Variants in MROH7 observed in about 807,000 individuals in gnomAD.
MROH7 encodes maestro heat-like repeat-containing protein family member 7.
In MROH7, 113 loss-of-function variants were observed where a neutral mutation model predicts 129.2. The observed-to-expected ratio is 0.87, with a 90% CI of 0.75 to 1.02. The LOEUF is 1.02. MROH7 is among the 50% of genes least tolerant of loss of function. MROH7 has a pLI of 0.00. For synonymous variants in MROH7, 655 were observed against 667.9 expected, an observed-to-expected ratio of 0.98 and a Z score of 0.30; for missense variants, 1,601 against 1,671.3, an observed-to-expected ratio of 0.96 and a Z score of 0.73.
chr1:54,654,488 A>G (rs538265338), intron 3 of MROH7, among the ~76,000 whole-genome samples: 2 of 152,126 alleles, frequency 1.3e-5, no homozygotes, highest in African/African-American at 2.4e-5. Context: ...CCTGGCCAAC[A>G]TGGTGAAACC....
At chr1:54,709,163 T>A in intron 23 of MROH7, 87 bp downstream of exon 23, 2 of 1,262,182 alleles carry the variant, frequency 1.6e-6, no homozygotes, top group Middle Eastern at 1.9e-4. Flanking sequence ...AGGGAAGGGA[T>A]GTGTCCCAAG....
intron 15 of MROH7, among the ~76,000 whole-genome samples, chr1:54,687,045 CTTATTTATTTA>C (rs1645159089): frequency 6.9e-6 from 1 of 145,522 alleles, no homozygotes; most frequent in Non-Finnish European, 1.5e-5. Context: ...GAGCTGTCTC[CTTATTTATTTA>C]TTTATTTATT....
intron 7 of MROH7, 124 bp from the exon 8 acceptor site, chr1:54,672,967 G>A (rs1557705871): frequency 1.6e-6 from 1 of 638,788 alleles, no homozygotes; most frequent in Non-Finnish European, 2.8e-6. Flanking sequence ...CTCAGAGGTG[G>A]GACCAGAAAG....
chr1:54,702,296 G>A (rs367679691), intron 20 of MROH7, 51 bp downstream of exon 20: 9 of 1,360,060 alleles, frequency 6.6e-6, no homozygotes, highest in Non-Finnish European at 7.7e-6. Context: ...GGTCCTGTGG[G>A]CGCACCTCTT....
intron 17 of MROH7, chr1:54,699,159 T>TTTCTTTCTTTCTTTTCTTTC (rs71048705): frequency 6.8e-4 from 45 of 65,938 alleles, no homozygotes; most frequent in South Asian, 1.9e-3. Context: ...TCTTTCTTTC[T>TTTCTTTCTTTCTTTTCTTTC]TTTCTTTCTT....
Position 54,679,982 on chromosome 1 carries a change from T to C in MROH7, c.2318T>C (p.Leu773Pro). ...GTGGCCCTGCTGCCCGTCTCCCTCC[T>C]GGCTAGCTCCTTCATGACCGAGGTT... ...RQVALLPVSL[L>P]ASSFMTEVVV... Residue 773 changes from leucine to proline, a missense_variant, in exon 13 of 24, where the codon CTG becomes CCG. Leu to Pro is a moderately conservative substitution (Grantham distance 98). Coordinates refer to ENST00000421030, the MANE Select transcript of MROH7 (RefSeq NM_001039464.4). 6.2e-7 allele frequency: 1 copy of C among 1,614,022 alleles called. No homozygotes were observed. Among genetic ancestry groups the C allele is most frequent in the East Asian group, 2.2e-5 (1 of 44,868 alleles).
intron 5 of MROH7, among the ~76,000 whole-genome samples, chr1:54,669,361 GGAATAACCACT>G (rs1471792638): frequency 2.0e-5 from 3 of 152,164 alleles, no homozygotes; most frequent in Non-Finnish European, 2.9e-5. Flanking sequence ...GGACTGGGCA[GGAATAACCACT>G]GAATAACCAC....
At chr1:54,677,109 G>A (rs966243229) in intron 10 of MROH7, among the ~76,000 whole-genome samples, 2 of 152,154 alleles carry the variant, frequency 1.3e-5, no homozygotes, top group South Asian at 2.1e-4. Flanking sequence ...CAAAGTGCTG[G>A]GATTACAGGC....
chr1:54,686,001 T>G (rs1413667559), intron 14 of MROH7, among the ~76,000 whole-genome samples: 1 of 152,116 alleles, frequency 6.6e-6, no homozygotes, highest in African/African-American at 2.4e-5. Flanking sequence ...TCCACCATGA[T>G]TCTTCCAAGG....
intron 17 of MROH7, chr1:54,699,143 TTTCTTTCTTTCTTTCTTTTC>T (rs1337711923): frequency 2.2e-4 from 21 of 95,898 alleles, no homozygotes; most frequent in African/African-American, 3.3e-4. Flanking sequence ...TCTTTCTTTC[TTTCTTTCTTTCTTTCTTTTC>T]TTTCTTTCTT....
Position 54,679,372 on chromosome 1 carries a change from T to C in MROH7, c.2159T>C (p.Met720Thr). 6.2e-7 allele frequency: 1 copy of C among 1,614,080 alleles called. No homozygotes were observed. Among genetic ancestry groups the C allele is most frequent in the Non-Finnish European group, 8.5e-7 (1 of 1,180,022 alleles). ...EAPGKDSREM[M>T]QLASEVMLSS... ...CCAGGGAAGGACTCCAGGGAGATGA[T>C]GCAGCTGGCCTCGGAGGTCATGCTC... Residue 720 changes from methionine to threonine, a missense_variant, in exon 12 of 24, where the codon ATG (methionine) becomes ACG (threonine). Met to Thr is a moderately conservative substitution (Grantham distance 81, BLOSUM62 -1). Transcript: ENST00000421030.
chr1:54,696,938 C>T (rs1156809500), intron 17 of MROH7, among the ~76,000 whole-genome samples: 3 of 152,136 alleles, frequency 2.0e-5, no homozygotes, highest in African/African-American at 7.2e-5. Flanking sequence ...TCCCAAAGTG[C>T]TGGAATTACA....
At position 54,692,576 on chromosome 1, in the gene MROH7, C is replaced by A. The variant is rs562558285; in HGVS notation, c.2849+15C>A. The A allele has an allele frequency of 3.7e-6, 6 of 1,607,400 alleles. No homozygotes were observed. Among genetic ancestry groups the A allele is most frequent in the Admixed American group, 3.3e-5 (2 of 59,864 alleles). ...TTGCTGGCAAGGTGAGTCCCGGGAC[C>A]ACCTTGGGGTTGGGGTGGGAGGGAG... On this transcript the variant is annotated intron_variant, in intron 16 of 23. Transcript: ENST00000421030.
Position 54,653,960 on chromosome 1 carries a change from T to A in MROH7, c.1034T>A (p.Phe345Tyr), listed in dbSNP as rs753191225. The change falls in exon 3 of 24, where the codon TTC becomes TAC. Residue 345 changes from phenylalanine to tyrosine, a missense_variant. Transcript: ENST00000421030. ...CTGAGCCTGGACTCCAGCCTCCTGT[T>A]CAGCGACACCTCCACCTTGACGCTG... The part of the protein sequence containing the change: ...ETLSLDSSLL[F>Y]SDTSTLTLSS... 74 of 1,614,092 alleles carry A rather than the reference T, an allele frequency of 4.6e-5. 2 individuals carry two copies. The South Asian group carries it at 8.1e-4, about 18-fold the overall frequency.
chr1:54,693,672 A>G (rs1645275311), intron 16 of MROH7, among the ~76,000 whole-genome samples: 1 of 152,116 alleles, frequency 6.6e-6, no homozygotes, highest in Non-Finnish European at 1.5e-5. Context: ...CACGGGGTCA[A>G]GAGGGAGCAC....
At chr1:54,671,956 CA>C (rs1376723565) in intron 7 of MROH7, among the ~76,000 whole-genome samples, 1 of 151,618 alleles carries the variant, frequency 6.6e-6, no homozygotes, top group Non-Finnish European at 1.5e-5. Context: ...AGATGGGGGT[CA>C]GGGGTTGTGA....
At chr1:54,695,286 C>T (rs573371198) in intron 16 of MROH7, 90 bp from the exon 17 acceptor site, 1 of 695,168 alleles carries the variant, frequency 1.4e-6, no homozygotes, top group East Asian at 2.7e-5. Context: ...CCTGGCTTAC[C>T]CAGGATTTCC....
chr1:54,682,574 T>C, intron 13 of MROH7, 82 bp from the exon 14 acceptor site: 1 of 1,423,918 alleles, frequency 7.0e-7, no homozygotes, highest in Non-Finnish European at 9.6e-7. Flanking sequence ...CATCTTACCT[T>C]CCCCCTCCCA....
intron 12 of MROH7, 98 bp downstream of exon 12, chr1:54,679,537 G>C: frequency 7.4e-7 from 1 of 1,343,018 alleles, no homozygotes; most frequent in Non-Finnish European, 1.0e-6. Flanking sequence ...TGGGCAGGGT[G>C]GGGTATACCT....
Sources: gnomAD v4.1 joint callset for allele counts (sites outside exome capture counted in the v4.1 genomes callset) on GRCh38, gnomAD v4.1.1 for gene constraint, MANE v1.5 for transcripts, NCBI Gene and HGNC (gene_info 2026-07-23, HGNC 2026-07-21) for gene names.